USP3: variants seen among roughly 807,000 people sequenced by gnomAD.
USP3 encodes the protein ubiquitin specific peptidase 3, also known as ubiquitin carboxyl-terminal hydrolase 3.
USP3 carries 20 observed loss-of-function variants against 72.3 expected under a neutral mutation model. The observed-to-expected ratio is 0.28, with a 90% CI of 0.19 to 0.40. The LOEUF (loss-of-function observed/expected upper bound fraction) is 0.40. USP3 is among the 10% of genes least tolerant of loss of function. The probability of loss-of-function intolerance (pLI) is 1.00; values close to 1 mark genes in which losing one functional copy is unlikely to be tolerated. For synonymous variants in USP3, 222 were observed against 225.3 expected (o/e 0.99, Z 0.13); for missense variants, 479 against 633.9 (o/e 0.76, Z 2.62).
intron 9 of USP3, among the ~76,000 whole-genome samples, chr15:63,571,101 C>T (rs1316612396): frequency 6.6e-6 from 1 of 152,140 alleles, no homozygotes; most frequent in Non-Finnish European, 1.5e-5. Context: ...TTTTGGATTG[C>T]TTTCCCATGT....
In USP3 at chr15:63,544,258, T is replaced by C. The variant is rs2066288381; in HGVS notation, c.284+7102T>C. 6.6e-6 allele frequency: 1 copy of C among 152,600 alleles called. No homozygotes were observed. Among genetic ancestry groups the C allele is most frequent in the Non-Finnish European group, 1.4e-5 (1 of 69,104 alleles). 9.5% of individuals were successfully genotyped at this position (152,600 alleles called of 1,614,324 possible). A position where few individuals can be genotyped will look rare whatever the true frequency, so the allele number is the denominator to read the frequency against. ...TATAGAGAGGGTAGTGGATACTCAG[T>C]TTTGTGGTTTATTTTTTAACTTGAT... On this transcript the variant is annotated intron_variant, in intron 3 of 14. Coordinates refer to ENST00000380324, the MANE Select transcript of USP3 (RefSeq NM_006537.4). The surrounding 1 kb of genome is among the most constrained non-coding windows in gnomAD (Gnocchi z 4.2).
At chr15:63,538,547 T>C (rs975734564) in intron 3 of USP3, among the ~76,000 whole-genome samples, 5 of 149,436 alleles carry the variant, frequency 3.3e-5, no homozygotes, top group African/African-American at 1.2e-4. Flanking sequence ...CCAGGTCTTT[T>C]ACTTTTTTTT....
Position 63,533,713 on chromosome 15 carries a change from G to C in USP3, c.152+1006G>C, listed in dbSNP as rs936081490. On this transcript the variant is annotated intron_variant, in intron 2 of 14. Transcript: ENST00000380324. ...TTTTCACATTTTGAGTCCTGGAATTGAGTATTTTTTCCATGTGCACTTAAG... is the reference window on the plus strand; with the variant it reads ...TTTTCACATTTTGAGTCCTGGAATTCAGTATTTTTTCCATGTGCACTTAAG... 4.3e-5 allele frequency: 18 copies of C among 418,814 alleles called. 1 individual carries two copies. The highest frequency in any genetic ancestry group is 3.9e-4 in the South Asian group (18 of 46,094). The allele number at this position is 418,814 out of a possible 1,614,324, so 25.9% of individuals were successfully genotyped here. A position where few individuals can be genotyped will look rare whatever the true frequency, so the allele number is the denominator to read the frequency against.
At position 63,591,440 on chromosome 15, in the gene USP3, A is replaced by G. The variant is rs2067197972; in HGVS notation, c.*614A>G. On this transcript the variant is annotated 3_prime_UTR_variant, in exon 15 of 15. Transcript: ENST00000380324. ...ACTAACTAAATAAATTTGTTGGTTC[A>G]GTTGTACTTGTCCTGCAAATACAAG... 6.6e-6 allele frequency: 1 copy of G among 152,226 alleles called. No homozygotes were observed. The highest frequency in any genetic ancestry group is 1.5e-5 in the Non-Finnish European group (1 of 68,046). 9.4% of individuals were successfully genotyped at this position (152,226 alleles called of 1,614,324 possible).
intron 1 of USP3, 169 bp from the exon 2 acceptor site, chr15:63,532,478 A>G: frequency 4.3e-6 from 3 of 705,098 alleles, no homozygotes; most frequent in Non-Finnish European, 4.9e-6. Flanking sequence ...TCTTTTCAGT[A>G]TAACTTAATT....
chr15:63,562,564 T>G (rs75868941), intron 7 of USP3, among the ~76,000 whole-genome samples: 4,681 of 152,278 alleles, frequency 0.031, 223 homozygotes, highest in African/African-American at 0.11. Flanking sequence ...TGTTTTGCAT[T>G]TTGAAAATGT....
intron 1 of USP3, chr15:63,515,615 A>T (rs1017628822): frequency 1.3e-5 from 2 of 152,252 alleles, no homozygotes; most frequent in African/African-American, 4.8e-5. Flanking sequence ...GGAATTCAGT[A>T]GGTGCCTGAC....
At chr15:63,517,104 A>G (rs1308432745) in intron 1 of USP3, among the ~76,000 whole-genome samples, 3 of 151,714 alleles carry the variant, frequency 2.0e-5, no homozygotes, top group Non-Finnish European at 4.4e-5. Flanking sequence ...GGTAAGTTAT[A>G]TATGTATACA....
chr15:63,586,376 T>A (rs1180628868), intron 11 of USP3, among the ~76,000 whole-genome samples: 1 of 152,226 alleles, frequency 6.6e-6, no homozygotes, highest in Non-Finnish European at 1.5e-5. Flanking sequence ...AAATGATGAT[T>A]TTAAATGTGG....
In USP3 at chr15:63,555,602, A is replaced by AT. The variant is rs140183769; in HGVS notation, c.369-1062dup. ...ACATTTTTAAAAGGTGAAATGCCTT[A>AT]TTTATATAGGTTACAACTGAAAATG... On this transcript the variant is annotated intron_variant, in intron 4 of 14. Transcript: ENST00000380324. Among the ~76,000 whole-genome samples, 129 of 152,350 alleles carry AT rather than the reference A, an allele frequency of 8.5e-4. 2 individuals are homozygous for AT. The East Asian group carries it at 0.023, about 27-fold the overall frequency.
intron 11 of USP3, among the ~76,000 whole-genome samples, chr15:63,579,155 A>G (rs1454294741): frequency 6.6e-6 from 1 of 152,238 alleles, no homozygotes; most frequent in Non-Finnish European, 1.5e-5. Flanking sequence ...ATACTTTAAT[A>G]AAACATTATA....
chr15:63,580,344 G>A (rs1217647486), intron 11 of USP3, among the ~76,000 whole-genome samples: 1 of 151,964 alleles, frequency 6.6e-6, no homozygotes, highest in African/African-American at 2.4e-5. Context: ...GAGGGAAATG[G>A]AACTATGAAT....
chr15:63,590,873 C>T lies in USP3; in HGVS notation c.*47C>T. ...CACCAACCATACCAGAGAAACATTT[C>T]CAGTTTTCCACAAATACTTGATACA... On this transcript the variant is annotated 3_prime_UTR_variant, in exon 15 of 15. Coordinates refer to ENST00000380324, the MANE Select transcript of USP3 (RefSeq NM_006537.4). The T allele has an allele frequency of 6.6e-7, 1 of 1,526,170 alleles. No homozygotes were observed. The highest frequency in any genetic ancestry group is 8.8e-7 in the Non-Finnish European group (1 of 1,134,170). The allele number at this position is 1,526,170 out of a possible 1,614,324, so 94.5% of individuals were successfully genotyped here.
chr15:63,512,791 T>C (rs2065807884), intron 1 of USP3, among the ~76,000 whole-genome samples: 1 of 152,206 alleles, frequency 6.6e-6, no homozygotes, highest in Admixed American at 6.5e-5. Context: ...GTGTGTGCTC[T>C]TTATGGATGT....
At chr15:63,545,581 T>G (rs1004418383) in intron 3 of USP3, among the ~76,000 whole-genome samples, 1 of 151,744 alleles carries the variant, frequency 6.6e-6, no homozygotes, top group African/African-American at 2.4e-5. Flanking sequence ...AGTATTTTGT[T>G]TTTTTTTAAT....
chr15:63,589,102 T>TA, intron 14 of USP3, 91 bp downstream of exon 14: 2 of 1,427,706 alleles, frequency 1.4e-6, no homozygotes, highest in Non-Finnish European at 9.8e-7. Flanking sequence ...TAGTTCTTCC[T>TA]AAAAAATGGA....
chr15:63,527,895 A>T (rs909216492), intron 1 of USP3: 3 of 152,178 alleles, frequency 2.0e-5, no homozygotes, highest in African/African-American at 7.2e-5. Context: ...TGGTTTTAGG[A>T]GGAAGACTTG....
At chr15:63,512,350 T>TTCC (rs1342943909) in intron 1 of USP3, among the ~76,000 whole-genome samples, 20 of 42,448 alleles carry the variant, frequency 4.7e-4, no homozygotes, top group African/African-American at 1.5e-3. Context: ...CTTCCTCCTC[T>TTCC]TCCTCTTCTT....
At chr15:63,589,090 G>C in intron 14 of USP3, 79 bp downstream of exon 14, 1 of 1,504,706 alleles carries the variant, frequency 6.6e-7, no homozygotes, top group Non-Finnish European at 9.2e-7. Flanking sequence ...TACCACTCTT[G>C]CTAGTTCTTC....
Sources: allele counts gnomAD v4.1 joint callset (sites outside exome capture counted in the v4.1 genomes callset), GRCh38; gene constraint gnomAD v4.1.1; non-coding constraint Gnocchi (gnomAD v3.1); transcripts MANE v1.5; gene names NCBI Gene and HGNC (gene_info 2026-07-23, HGNC 2026-07-21).